Variants in NWD2 observed in about 807,000 individuals in gnomAD.
NWD2 encodes the protein NACHT and WD repeat domain-containing protein 2.
A neutral mutation model predicts 132.7 loss-of-function variants in NWD2; 37 were observed. That is an observed-to-expected ratio of 0.28 (90% CI 0.21 to 0.37). The LOEUF (loss-of-function observed/expected upper bound fraction) is 0.37, where lower values mean the gene tolerates loss of function less well. NWD2 is among the 10% of genes least tolerant of loss of function. The pLI, the probability that NWD2 is intolerant of heterozygous loss-of-function variation, is 1.00. For synonymous variants in NWD2, 705 were observed against 803.0 expected, an observed-to-expected ratio of 0.88 and a Z score of 2.06; for missense variants, 1,592 against 2,122.4, an observed-to-expected ratio of 0.75 and a Z score of 4.91.
At chr4:37,269,952 C>T (rs1020031502) in intron 1 of NWD2, among the ~76,000 whole-genome samples, 4 of 151,674 alleles carry the variant, frequency 2.6e-5, no homozygotes, top group African/African-American at 9.7e-5. Flanking sequence ...CCATTTTGCC[C>T]TCCCATCAGC....
intron 1 of NWD2, among the ~76,000 whole-genome samples, chr4:37,321,174 A>C (rs1719060373): frequency 6.6e-6 from 1 of 152,160 alleles, no homozygotes; most frequent in Non-Finnish European, 1.5e-5. Context: ...GAGAAAGAAA[A>C]AAATGACTAA....
chr4:37,438,541 CT>C (rs1312880467), intron 5 of NWD2, among the ~76,000 whole-genome samples: 1 of 152,152 alleles, frequency 6.6e-6, no homozygotes, highest in East Asian at 1.9e-4. Context: ...CTTTGATATG[CT>C]TTCTTTATTA....
intron 3 of NWD2, among the ~76,000 whole-genome samples, chr4:37,360,402 T>A (rs1021211275): frequency 1.3e-5 from 2 of 152,210 alleles, no homozygotes; most frequent in Non-Finnish European, 2.9e-5. Context: ...AGTCAAATGT[T>A]AAAGGATTTT....
At chr4:37,253,413 A>G (rs1046686931) in intron 1 of NWD2, among the ~76,000 whole-genome samples, 3 of 152,206 alleles carry the variant, frequency 2.0e-5, no homozygotes, top group Non-Finnish European at 4.4e-5. Flanking sequence ...TCCAGAAACA[A>G]GGAGCCTGGA....
chr4:37,313,028 G>C (rs1377896759), intron 1 of NWD2, among the ~76,000 whole-genome samples: 1 of 151,082 alleles, frequency 6.6e-6, no homozygotes, highest in Non-Finnish European at 1.5e-5. Flanking sequence ...GATTCGGTTT[G>C]CCAATATTTT....
chr4:37,276,382 C>A (rs1278736063), intron 1 of NWD2, among the ~76,000 whole-genome samples: 4 of 152,088 alleles, frequency 2.6e-5, no homozygotes, highest in Non-Finnish European at 5.9e-5. Context: ...CAAATGAAAA[C>A]CACAATGAGA....
chr4:37,354,576 G>T (rs1214642185), intron 2 of NWD2, among the ~76,000 whole-genome samples: 1 of 152,158 alleles, frequency 6.6e-6, no homozygotes, highest in Non-Finnish European at 1.5e-5. Flanking sequence ...CAGTCTACTT[G>T]CCAGCTTTTC....
At chr4:37,375,161 C>A (rs1720319064) in intron 3 of NWD2, among the ~76,000 whole-genome samples, 1 of 152,128 alleles carries the variant, frequency 6.6e-6, no homozygotes, top group Non-Finnish European at 1.5e-5. Context: ...TGTAAAAGTT[C>A]TCTTACTCAT....
chr4:37,315,848 A>T (rs1474560494), intron 1 of NWD2, among the ~76,000 whole-genome samples: 1 of 151,920 alleles, frequency 6.6e-6, no homozygotes, highest in East Asian at 1.9e-4. Context: ...TTATATTCTT[A>T]CTTGGTGCTC....
chr4:37,418,881 A>T (rs1222165731), intron 3 of NWD2, among the ~76,000 whole-genome samples: 1 of 151,942 alleles, frequency 6.6e-6, no homozygotes, highest in East Asian at 1.9e-4. Context: ...CTGGTGTAAG[A>T]CGGTATCTCA....
At chr4:37,414,840 T>G (rs1041734798) in intron 3 of NWD2, among the ~76,000 whole-genome samples, 1 of 152,228 alleles carries the variant, frequency 6.6e-6, no homozygotes, top group African/African-American at 2.4e-5. Context: ...CCTTCCAATT[T>G]CTTTACTTAT....
intron 3 of NWD2, among the ~76,000 whole-genome samples, chr4:37,413,888 G>A (rs905527510): frequency 1.3e-4 from 19 of 151,998 alleles, no homozygotes; most frequent in South Asian, 2.1e-4. Flanking sequence ...ACCAAACACC[G>A]CATGTTCTCA....
chr4:37,253,386 T>C (rs1249494823), intron 1 of NWD2, among the ~76,000 whole-genome samples: 2 of 152,160 alleles, frequency 1.3e-5, no homozygotes, highest in Non-Finnish European at 2.9e-5. Context: ...CCAGAGACCC[T>C]CCATCCTGTG....
intron 1 of NWD2, among the ~76,000 whole-genome samples, chr4:37,321,760 C>A (rs1311931972): frequency 6.6e-6 from 1 of 152,090 alleles, no homozygotes; most frequent in Non-Finnish European, 1.5e-5. Flanking sequence ...ATCTTAATTA[C>A]TTTTTCATTT....
At chr4:37,307,739 C>G (rs556624326) in intron 1 of NWD2, among the ~76,000 whole-genome samples, 4 of 152,230 alleles carry the variant, frequency 2.6e-5, no homozygotes, top group African/African-American at 9.6e-5. Context: ...TCTTCCTCTT[C>G]TGGAAATTCC....
At chr4:37,365,086 T>G (rs1176365128) in intron 3 of NWD2, among the ~76,000 whole-genome samples, 1 of 152,172 alleles carries the variant, frequency 6.6e-6, no homozygotes, top group Non-Finnish European at 1.5e-5. Flanking sequence ...TCACTCTCCT[T>G]CAGGTTAAAT....
At chr4:37,302,043 A>G (rs1718621893) in intron 1 of NWD2, among the ~76,000 whole-genome samples, 1 of 152,072 alleles carries the variant, frequency 6.6e-6, no homozygotes, top group Non-Finnish European at 1.5e-5. Context: ...CTAAAGTACT[A>G]TAAAACGCTA....
chr4:37,426,498 A>G (rs752734000), intron 3 of NWD2, among the ~76,000 whole-genome samples: 2 of 152,172 alleles, frequency 1.3e-5, no homozygotes, highest in South Asian at 2.1e-4. Flanking sequence ...GCCTTACTAT[A>G]TCGATTAAAT....
intron 1 of NWD2, among the ~76,000 whole-genome samples, chr4:37,318,856 C>G (rs1392036807): frequency 2.6e-5 from 4 of 152,138 alleles, no homozygotes. Flanking sequence ...ATATGTACCA[C>G]ATTTTCTCTA....
Sources: gnomAD v4.1 joint callset for allele counts (sites outside exome capture counted in the v4.1 genomes callset) on GRCh38, gnomAD v4.1.1 for gene constraint, MANE v1.5 for transcripts, NCBI Gene and HGNC (gene_info 2026-07-23, HGNC 2026-07-21) for gene names.